Variants in CLTRN observed in about 807,000 individuals in gnomAD.
CLTRN encodes collectrin, amino acid transport regulator, also known as collectrin.
CLTRN carries 12 observed loss-of-function variants against 14.5 expected under a neutral mutation model. The ratio of observed to expected loss-of-function variants is 0.83; its 90% CI spans 0.53 to 1.34. CLTRN has a LOEUF of 1.34. CLTRN is among the 40% of genes most tolerant of loss of function. CLTRN has a pLI of 0.00. For synonymous variants in CLTRN, 58 were observed against 56.5 expected (o/e 1.03, Z -0.12); for missense variants, 154 against 165.1 (o/e 0.93, Z 0.37).
chrX:15,638,575 C>T (rs1185322371), intron 5 of CLTRN, among the ~76,000 whole-genome samples: 1 of 112,022 alleles, frequency 8.9e-6, no homozygotes, highest in Admixed American at 9.5e-5. Flanking sequence ...GTAATTACCA[C>T]TTACCAGAAT....
intron 2 of CLTRN, among the ~76,000 whole-genome samples, chrX:15,661,075 TCTAAC>T (rs1929496708): frequency 8.9e-6 from 1 of 111,916 alleles, no homozygotes; most frequent in Middle Eastern, 4.7e-3. Flanking sequence ...GTAGCTATGA[TCTAAC>T]CTAATAATAA....
At position 15,664,720 on chromosome X, in the gene CLTRN, G is replaced by C. The variant is rs1307743076; in HGVS notation, c.56C>G (p.Pro19Arg). The C allele has an allele frequency of 3.3e-6, 4 of 1,205,318 alleles. No individual in the cohort carries two copies. Among genetic ancestry groups the C allele is most frequent in the Non-Finnish European group, 4.5e-6 (4 of 890,431 alleles). ...TTTTAAATTTCAAGGCTACATACCT[G>C]GTTGACAGAGTTCAGCATGAATGGC... ...VTAIHAELCQ[P>R]GAENAFKVRL... The change falls in exon 1 of 6, where the codon CCA (proline) becomes CGA (arginine). Residue 19 changes from proline to arginine, a missense_variant and splice_region_variant. Pro to Arg is a moderately radical substitution (Grantham distance 103). Coordinates refer to ENST00000380342, the MANE Select transcript of CLTRN (RefSeq NM_020665.6).
Position 15,627,902 on chromosome X carries a change from A to G in CLTRN, c.*69T>C, listed in dbSNP as rs1331748386. ...ACAAAATATATGATCTGCTCTTGGTATTTCAGGATGCTCAGCAGTCACACA... is the reference window on the plus strand; with the variant it reads ...ACAAAATATATGATCTGCTCTTGGTGTTTCAGGATGCTCAGCAGTCACACA... On this transcript the variant is annotated 3_prime_UTR_variant, in exon 6 of 6. Coordinates refer to ENST00000380342, the MANE Select transcript of CLTRN (RefSeq NM_020665.6). 2.0e-5 allele frequency: 17 copies of G among 856,370 alleles called. No individual in the cohort carries two copies. The highest frequency in any genetic ancestry group is 8.4e-5 in the African/African-American group (4 of 47,829). 70.6% of individuals were successfully genotyped at this position (856,370 alleles called of 1,213,427 possible).
upstream of CLTRN, among the ~76,000 whole-genome samples, chrX:15,666,049 AAAG>A (rs1367619509): frequency 3.6e-5 from 4 of 111,995 alleles, no homozygotes; most frequent in Admixed American, 1.9e-4. Context: ...ACATGGACAC[AAAG>A]AAGGGAACAA....
chrX:15,642,330 C>T (rs1928961637), intron 4 of CLTRN, among the ~76,000 whole-genome samples: 1 of 112,118 alleles, frequency 8.9e-6, no homozygotes, highest in African/African-American at 3.2e-5. Context: ...TTAGGCCACG[C>T]CCTCACAAAA....
intron 5 of CLTRN, among the ~76,000 whole-genome samples, chrX:15,634,699 C>A (rs1027192503): frequency 1.2e-4 from 12 of 102,027 alleles, no homozygotes; most frequent in African/African-American, 4.3e-4. Context: ...AATCAAACAC[C>A]GCATATTCTC....
intron 5 of CLTRN, among the ~76,000 whole-genome samples, chrX:15,630,951 C>T (rs1413669122): frequency 1.8e-5 from 2 of 112,219 alleles, no homozygotes; most frequent in Non-Finnish European, 3.8e-5. Flanking sequence ...AATCAACATT[C>T]TATAACCATC....
chrX:15,645,683 A>C (rs1929047647), intron 3 of CLTRN, among the ~76,000 whole-genome samples: 1 of 112,459 alleles, frequency 8.9e-6, no homozygotes, highest in South Asian at 3.7e-4. Context: ...TGCAAATTGG[A>C]AATGTGACTC....
rs1274169236 is a variant in CLTRN, at chrX:15,664,618, CAT to C, written c.58+98_58+99del. On this transcript the variant is annotated intron_variant, in intron 1 of 5. Transcript: ENST00000380342. ...CACTGCCCCAACTTTCAAGCCACAA[CAT>C]GTCTGCAGATTTAGAAAAATAAAGA... The C allele has an allele frequency of 6.1e-5, 52 of 850,905 alleles. No homozygotes were observed. In the African/African-American group the frequency reaches 9.0e-4, roughly 15 times the overall value. The allele number at this position is 850,905 out of a possible 1,213,427, so 70.1% of individuals were successfully genotyped here.
intron 2 of CLTRN, 39 bp from the exon 3 acceptor site, chrX:15,659,140 T>C (rs755951446): frequency 1.7e-5 from 14 of 806,155 alleles, no homozygotes; most frequent in South Asian, 1.7e-4. Context: ...GGGGAAAATA[T>C]GGTCCATTGG....
intron 3 of CLTRN, among the ~76,000 whole-genome samples, chrX:15,655,287 C>T (rs1196030481): frequency 2.7e-5 from 3 of 112,351 alleles, no homozygotes; most frequent in African/African-American, 9.7e-5. Context: ...GACCTGGGTC[C>T]TTGTGGTTCC....
Position 15,631,157 on chromosome X carries a change from G to A in CLTRN, c.513-3030C>T, listed in dbSNP as rs1424943055. ...GAGGAATGTTTCTTCTAAAGATGAA[G>A]CTGTAAGTAGCAAATGTCTATTTAT... is the stretch of plus-strand genomic sequence containing the variant. On this transcript the variant is annotated intron_variant, in intron 5 of 5. Transcript: ENST00000380342. 2.7e-5 allele frequency among the ~76,000 whole-genome samples: 3 copies of A among 112,175 alleles called. No homozygotes were observed. The Admixed American group carries it at 2.8e-4, about 11-fold the overall frequency.
intron 1 of CLTRN, among the ~76,000 whole-genome samples, chrX:15,672,729 A>G (rs1169910564): frequency 9.0e-6 from 1 of 111,519 alleles, no homozygotes; most frequent in Non-Finnish European, 1.9e-5. Flanking sequence ...CCCTATTACT[A>G]CAAATCAGAG....
chrX:15,633,567 T>G (rs1262789421), intron 5 of CLTRN, among the ~76,000 whole-genome samples: 1 of 113,007 alleles, frequency 8.8e-6, no homozygotes, highest in African/African-American at 3.2e-5. Context: ...GCTATGACAT[T>G]ACTCATTTTA....
At chrX:15,668,696 G>C (rs889535988), upstream of CLTRN, among the ~76,000 whole-genome samples, 7 of 110,886 alleles carry the variant, frequency 6.3e-5, no homozygotes, top group African/African-American at 2.3e-4. Context: ...TTCTAACATT[G>C]TCTATGTTTA....
intron 3 of CLTRN, chrX:15,646,462 A>ACCCCCCCCC (rs111413791): frequency 1.1e-4 from 20 of 177,555 alleles, no homozygotes; most frequent in Admixed American, 1.8e-4. Context: ...CCGCGCACCC[A>ACCCCCCCCC]CCCCCCCGCC....
chrX:15,647,414 TTAA>T (rs1316431952), intron 3 of CLTRN, among the ~76,000 whole-genome samples: 1 of 112,734 alleles, frequency 8.9e-6, no homozygotes, highest in South Asian at 3.6e-4. Context: ...ATATTTGTTG[TTAA>T]TAATAATAGG....
Position 15,659,003 on chromosome X carries a change from A to G in CLTRN, c.203+13T>C. 9.5e-7 allele frequency: 1 copy of G among 1,050,347 alleles called. No individual in the cohort carries two copies. The highest frequency in any genetic ancestry group is 1.3e-6 in the Non-Finnish European group (1 of 758,420). The allele number at this position is 1,050,347 out of a possible 1,213,427, so 86.6% of individuals were successfully genotyped here. On this transcript the variant is annotated intron_variant, in intron 3 of 5. Coordinates refer to ENST00000380342, the MANE Select transcript of CLTRN (RefSeq NM_020665.6). ...TGTAAATAATCAGTTAAGATTTCTC[A>G]TTATTTGCTTACTCTGTTGCTTCTC...
At position 15,628,868 on chromosome X, in the gene CLTRN, A is replaced by T. The variant is rs745613654; in HGVS notation, c.513-741T>A. Among the ~76,000 whole-genome samples, 4 of 112,100 alleles carry T rather than the reference A, an allele frequency of 3.6e-5. No individual in the cohort carries two copies. The South Asian group carries it at 1.5e-3, about 41-fold the overall frequency. On this transcript the variant is annotated intron_variant, in intron 5 of 5. Transcript: ENST00000380342. ...TTTCTCATAGTTTCACCCTTTGTAG[A>T]CCTTGCTGACCCCAACCGAAGTAAT...
Sources: gnomAD v4.1 joint callset for allele counts (sites outside exome capture counted in the v4.1 genomes callset) on GRCh38, gnomAD v4.1.1 for gene constraint, MANE v1.5 for transcripts, NCBI Gene and HGNC (gene_info 2026-07-23, HGNC 2026-07-21) for gene names.